SLC16A7: variants seen among roughly 807,000 people sequenced by gnomAD.
SLC16A7 encodes monocarboxylate transporter 2.
SLC16A7 carries 33 observed loss-of-function variants against 34.9 expected under a neutral mutation model. The ratio of observed to expected loss-of-function variants is 0.94; its 90% CI spans 0.72 to 1.26. The LOEUF (loss-of-function observed/expected upper bound fraction) is 1.26. SLC16A7 is among the 50% of genes most tolerant of loss of function. The probability of loss-of-function intolerance (pLI) is 0.00; values close to 1 mark genes in which losing one functional copy is unlikely to be tolerated. For synonymous variants in SLC16A7, 201 were observed against 206.6 expected, an observed-to-expected ratio of 0.97 and a Z score of 0.23; for missense variants, 573 against 578.1, an observed-to-expected ratio of 0.99 and a Z score of 0.09.
chr12:59,761,399 T>C (rs1385159686), intron 3 of SLC16A7, among the ~76,000 whole-genome samples: 1 of 152,122 alleles, frequency 6.6e-6, no homozygotes, highest in Non-Finnish European at 1.5e-5. Flanking sequence ...AAAATCTCAA[T>C]GCATTTATAT....
At chr12:59,627,067 T>A (rs996479385) in intron 1 of SLC16A7, among the ~76,000 whole-genome samples, 12 of 151,900 alleles carry the variant, frequency 7.9e-5, no homozygotes, top group African/African-American at 2.9e-4. Context: ...GTTTCACAGT[T>A]GAGTTGTCTT....
At chr12:59,625,659 G>C (rs1295386967) in intron 1 of SLC16A7, among the ~76,000 whole-genome samples, 2 of 151,750 alleles carry the variant, frequency 1.3e-5, no homozygotes, top group African/African-American at 4.8e-5. Context: ...ATTTGGATAT[G>C]GTAGCAACTC....
At chr12:59,612,227 C>T (rs1476193814) in intron 1 of SLC16A7, among the ~76,000 whole-genome samples, 2 of 152,232 alleles carry the variant, frequency 1.3e-5, no homozygotes, top group Admixed American at 6.5e-5. Context: ...GGCAGAGGTT[C>T]CCAAACTTCA....
chr12:59,639,325 T>G (rs1478269423), intron 1 of SLC16A7, among the ~76,000 whole-genome samples: 1 of 151,884 alleles, frequency 6.6e-6, no homozygotes, highest in Admixed American at 6.6e-5. Context: ...AATGAGGGGG[T>G]TGAAGTCATG....
chr12:59,762,282 A>T (rs1215627354), intron 3 of SLC16A7, among the ~76,000 whole-genome samples: 1 of 151,754 alleles, frequency 6.6e-6, no homozygotes, highest in Non-Finnish European at 1.5e-5. Context: ...CTCTCTTGAA[A>T]CTCTTCATGA....
intron 2 of SLC16A7, among the ~76,000 whole-genome samples, chr12:59,659,591 A>T (rs1332665342): frequency 6.6e-6 from 1 of 152,128 alleles, no homozygotes; most frequent in Non-Finnish European, 1.5e-5. Flanking sequence ...GGAAAAATAT[A>T]TTCAGCTAGC....
chr12:59,642,095 T>C (rs1335404721), intron 1 of SLC16A7, among the ~76,000 whole-genome samples: 1 of 152,100 alleles, frequency 6.6e-6, no homozygotes, highest in East Asian at 1.9e-4. Context: ...TCCTTTCTTA[T>C]ACATTTACAT....
intron 2 of SLC16A7, among the ~76,000 whole-genome samples, chr12:59,680,316 G>A (rs1281984797): frequency 6.6e-6 from 1 of 152,168 alleles, no homozygotes; most frequent in African/African-American, 2.4e-5. Flanking sequence ...TTTTTCCAAT[G>A]TAGTGTTTTC....
chr12:59,629,970 C>G (rs1011729871), intron 1 of SLC16A7, among the ~76,000 whole-genome samples: 1 of 151,838 alleles, frequency 6.6e-6, no homozygotes, highest in Non-Finnish European at 1.5e-5. Context: ...AAGAAAGACA[C>G]CATTTTTAAA....
At chr12:59,759,930 T>C (rs1880827266) in intron 3 of SLC16A7, among the ~76,000 whole-genome samples, 1 of 152,012 alleles carries the variant, frequency 6.6e-6, no homozygotes, top group Non-Finnish European at 1.5e-5. Flanking sequence ...GAGATTTATG[T>C]GTAGATCAAA....
At chr12:59,764,348 A>G (rs1328358882) in intron 3 of SLC16A7, among the ~76,000 whole-genome samples, 2 of 152,148 alleles carry the variant, frequency 1.3e-5, no homozygotes, top group Non-Finnish European at 2.9e-5. Flanking sequence ...TATTATTATT[A>G]TACTTTAAGT....
rs1278570964 is a variant in SLC16A7, at chr12:59,771,485, T to G, written c.361+123T>G. 9.4e-6 allele frequency: 6 copies of G among 639,722 alleles called. No homozygotes were observed. In the African/African-American group the frequency reaches 1.1e-4, roughly 12 times the overall value. The allele number at this position is 639,722 out of a possible 1,614,324, so 39.6% of individuals were successfully genotyped here. A position where few individuals can be genotyped will look rare whatever the true frequency, so the allele number is the denominator to read the frequency against. On this transcript the variant is annotated intron_variant, in intron 4 of 5. Transcript: ENST00000547379. ...TTATTTTTTTATAAACAATGCAGTT[T>G]TAAAATATTTTCATCTAGTACATTG...
chr12:59,675,925 A>T (rs1032970837), intron 2 of SLC16A7, among the ~76,000 whole-genome samples: 1 of 152,162 alleles, frequency 6.6e-6, no homozygotes, highest in African/African-American at 2.4e-5. Flanking sequence ...AGATATATAT[A>T]TATATATAGC....
At chr12:59,665,364 A>G (rs1350667134) in intron 2 of SLC16A7, among the ~76,000 whole-genome samples, 3 of 152,092 alleles carry the variant, frequency 2.0e-5, no homozygotes, top group Non-Finnish European at 4.4e-5. Context: ...TTTGTATTTC[A>G]TATTATAATG....
At chr12:59,763,875 A>G (rs924918309) in intron 3 of SLC16A7, 2 of 152,102 alleles carry the variant, frequency 1.3e-5, no homozygotes, top group Non-Finnish European at 1.5e-5. Flanking sequence ...CTGTGCCCAT[A>G]TAAGAGGGTA....
chr12:59,789,438 G>A lies in SLC16A7; in HGVS notation c.*9759G>A, dbSNP rs1305684219. ...TAAACTTTATGGTACATATTAATTA[G>A]TTTTATTTTCTTTTCAAAATCAGAA... On this transcript the variant is annotated 3_prime_UTR_variant, in exon 6 of 6. Coordinates refer to ENST00000547379, the MANE Select transcript of SLC16A7 (RefSeq NM_001270623.2). 6.6e-6 allele frequency: 1 copy of A among 152,028 alleles called. No homozygotes were observed. The highest frequency in any genetic ancestry group is 6.5e-5 in the Admixed American group (1 of 15,272). 9.4% of individuals were successfully genotyped at this position (152,028 alleles called of 1,614,324 possible).
chr12:59,717,194 C>T (rs1875008648), intron 3 of SLC16A7, among the ~76,000 whole-genome samples: 1 of 152,192 alleles, frequency 6.6e-6, no homozygotes. Context: ...ATTTTTAAAG[C>T]TTCCCTTTGT....
At chr12:59,603,178 A>C (rs535676365) in intron 1 of SLC16A7, among the ~76,000 whole-genome samples, 1 of 152,282 alleles carries the variant, frequency 6.6e-6, no homozygotes, top group African/African-American at 2.4e-5. Context: ...TACTACCTAC[A>C]GTCATGTAAT....
At chr12:59,748,184 AGATAG>A (rs1372311327) in intron 3 of SLC16A7, among the ~76,000 whole-genome samples, 1 of 152,210 alleles carries the variant, frequency 6.6e-6, no homozygotes, top group Non-Finnish European at 1.5e-5. Context: ...AATTTTAGCT[AGATAG>A]GATAGGATTT....
Sources: gnomAD v4.1 joint callset for allele counts (sites outside exome capture counted in the v4.1 genomes callset) on GRCh38, gnomAD v4.1.1 for gene constraint, MANE v1.5 for transcripts, NCBI Gene and HGNC (gene_info 2026-07-23, HGNC 2026-07-21) for gene names.